Variants in SLC2A9 observed in about 807,000 individuals in gnomAD.
SLC2A9 encodes solute carrier family 2 member 9, also known as solute carrier family 2, facilitated glucose transporter member 9.
A neutral mutation model predicts 50.6 loss-of-function variants in SLC2A9; 39 were observed. The ratio of observed to expected loss-of-function variants is 0.77; its 90% CI spans 0.60 to 1.01. The LOEUF (loss-of-function observed/expected upper bound fraction) is 1.01, where lower values mean the gene tolerates loss of function less well. Ranked by LOEUF, SLC2A9 falls within the 50% of genes least tolerant of loss-of-function variation. The pLI is 0.00. For missense variants in SLC2A9, 686 were observed against 677.6 expected (o/e 1.01, Z -0.14); for synonymous variants, 324 against 276.9 (o/e 1.17, Z -1.69).
intron 10 of SLC2A9, among the ~76,000 whole-genome samples, chr4:9,854,275 A>G (rs552525707): frequency 6.6e-6 from 1 of 152,318 alleles, no homozygotes; most frequent in South Asian, 2.1e-4. Flanking sequence ...AAATTCAAAT[A>G]CACAATCAGA....
downstream of SLC2A9, among the ~76,000 whole-genome samples, chr4:9,821,527 T>G (rs1024681746): frequency 6.6e-6 from 1 of 152,016 alleles, no homozygotes; most frequent in African/African-American, 2.4e-5. Context: ...GGGAGAGCAT[T>G]AGGAGAAATA....
At chr4:9,860,929 CCTT>C (rs1229820919) in intron 10 of SLC2A9, among the ~76,000 whole-genome samples, 1 of 152,198 alleles carries the variant, frequency 6.6e-6, no homozygotes, top group East Asian at 1.9e-4. Context: ...GTGGCTGCCT[CCTT>C]CTTGTCTCCT....
intron 10 of SLC2A9, among the ~76,000 whole-genome samples, chr4:9,851,748 A>C (rs771180893): frequency 2.0e-5 from 3 of 152,230 alleles, no homozygotes; most frequent in Non-Finnish European, 4.4e-5. Context: ...GATAGAGCTG[A>C]AAAACTCACT....
At chr4:9,841,186 C>A (rs1006937924) in intron 10 of SLC2A9, among the ~76,000 whole-genome samples, 1 of 152,176 alleles carries the variant, frequency 6.6e-6, no homozygotes, top group East Asian at 1.9e-4. Context: ...TCTTCATTTA[C>A]TTCTTATGTT....
intron 3 of SLC2A9, among the ~76,000 whole-genome samples, chr4:9,799,691 T>TGGGGGGGGGGGGCCCCCCCCCCCCC: frequency 2.4e-5 from 1 of 41,402 alleles, no homozygotes; most frequent in African/African-American, 1.0e-4. Context: ...ATTCCAATTG[T>TGGGGGGGGGGGGCCCCCCCCCCCCC]ACCCCCCCCC....
intron 3 of SLC2A9, among the ~76,000 whole-genome samples, chr4:9,810,463 TG>T (rs1484195088): frequency 6.6e-6 from 1 of 152,232 alleles, no homozygotes; most frequent in Non-Finnish European, 1.5e-5. Context: ...AAATTCACCA[TG>T]GTGTGTCTTT....
chr4:9,981,898 C>T (rs1306568876), intron 4 of SLC2A9, among the ~76,000 whole-genome samples: 3 of 148,472 alleles, frequency 2.0e-5, no homozygotes, highest in Non-Finnish European at 3.0e-5. Flanking sequence ...TTTTTTTTTC[C>T]AAGATGGGGT....
At chr4:9,931,954 CTCTCTCTCTATATATATA>C (rs1366498150) in intron 6 of SLC2A9, among the ~76,000 whole-genome samples, 75 of 50,524 alleles carry the variant, frequency 1.5e-3, no homozygotes, top group East Asian at 0.013. Flanking sequence ...CTCTCTCTCT[CTCTCTCTCTATATATATA>C]TATATATATA....
chr4:9,796,360 G>A (rs1720595525), downstream of SLC2A9, among the ~76,000 whole-genome samples: 1 of 152,146 alleles, frequency 6.6e-6, no homozygotes, highest in African/African-American at 2.4e-5. Flanking sequence ...TTGGTCTGTG[G>A]TTCTAATGAA....
intron 10 of SLC2A9, among the ~76,000 whole-genome samples, chr4:9,853,589 T>C (rs1730295382): frequency 6.6e-6 from 1 of 152,120 alleles, no homozygotes; most frequent in Non-Finnish European, 1.5e-5. Context: ...ATCAGACAGA[T>C]GATCAGGGCA....
At chr4:9,865,792 A>G (rs1412519582) in intron 10 of SLC2A9, among the ~76,000 whole-genome samples, 2 of 151,334 alleles carry the variant, frequency 1.3e-5, no homozygotes, top group Non-Finnish European at 2.9e-5. Context: ...AGTGGGCAGG[A>G]GCTGGTTTTG....
chr4:9,782,090 C>T, intron 3 of SLC2A9: 4 of 1,524,634 alleles, frequency 2.6e-6, no homozygotes, highest in Non-Finnish European at 2.6e-6. Flanking sequence ...ATACCAGCAG[C>T]TGGCGCAGGG....
At chr4:9,812,703 C>G (rs1405874815) in intron 3 of SLC2A9, among the ~76,000 whole-genome samples, 12 of 152,138 alleles carry the variant, frequency 7.9e-5, no homozygotes. Context: ...AGTCATGGAA[C>G]TGCTGGAGGT....
chr4:9,807,032 G>T (rs2108967388), intron 3 of SLC2A9, among the ~76,000 whole-genome samples: 1 of 152,244 alleles, frequency 6.6e-6, no homozygotes, highest in Non-Finnish European at 1.5e-5. Flanking sequence ...TGTTCACATG[G>T]TTTGGGGTCT....
At chr4:10,013,172 T>G (rs1158431445) in intron 2 of SLC2A9, among the ~76,000 whole-genome samples, 1 of 152,174 alleles carries the variant, frequency 6.6e-6, no homozygotes, top group African/African-American at 2.4e-5. Flanking sequence ...AAGTCCAGTG[T>G]GCGTTTAATA....
intron 2 of SLC2A9, among the ~76,000 whole-genome samples, chr4:10,004,920 G>A (rs548732038): frequency 2.6e-5 from 4 of 152,284 alleles, no homozygotes; most frequent in African/African-American, 9.6e-5. Flanking sequence ...TAACCTCTAG[G>A]CCTGCTTTGG....
At chr4:9,888,680 G>A in intron 9 of SLC2A9, among the ~76,000 whole-genome samples, 1 of 152,008 alleles carries the variant, frequency 6.6e-6, no homozygotes, top group East Asian at 1.9e-4. Flanking sequence ...AAGGAAAGAG[G>A]TTCCAGTAGG....
At chr4:9,944,064 G>A (rs1286397505) in intron 5 of SLC2A9, among the ~76,000 whole-genome samples, 2 of 152,222 alleles carry the variant, frequency 1.3e-5, no homozygotes, top group Non-Finnish European at 2.9e-5. Flanking sequence ...TGGTGTTTTT[G>A]GAGCTGCCAC....
chr4:9,966,598 A>C (rs1287746349), intron 5 of SLC2A9, among the ~76,000 whole-genome samples: 2 of 114,646 alleles, frequency 1.7e-5, no homozygotes, highest in Non-Finnish European at 1.8e-5. Flanking sequence ...GGGGGTTGAG[A>C]GCCAAGGTCG....
Sources: gnomAD v4.1 joint callset for allele counts (sites outside exome capture counted in the v4.1 genomes callset) on GRCh38, gnomAD v4.1.1 for gene constraint, MANE v1.5 for transcripts, NCBI Gene and HGNC (gene_info 2026-07-23, HGNC 2026-07-21) for gene names.